Variants in GABRG3 observed in about 807,000 individuals in gnomAD.
The protein encoded by GABRG3 is gamma-aminobutyric acid receptor subunit gamma-3.
Under a neutral mutation model 48.8 loss-of-function variants are expected in GABRG3, and 25 were observed. That is an observed-to-expected ratio of 0.51 (90% CI 0.37 to 0.72). The LOEUF is 0.72. Among genes scored for constraint, GABRG3 ranks in the 30% least tolerant of loss-of-function variants. The pLI is 0.00. For synonymous variants in GABRG3, 227 were observed against 217.6 expected (o/e 1.04, Z -0.38); for missense variants, 394 against 577.9 (o/e 0.68, Z 3.26).
intron 5 of GABRG3, among the ~76,000 whole-genome samples, chr15:27,387,048 T>G (rs1467647151): frequency 1.3e-5 from 2 of 152,196 alleles, no homozygotes; most frequent in Admixed American, 6.5e-5. Context: ...GAAACTTCAT[T>G]AATATTATAG....
chr15:27,217,198 G>A (rs1385404513), intron 3 of GABRG3, among the ~76,000 whole-genome samples: 2 of 151,946 alleles, frequency 1.3e-5, no homozygotes, highest in Non-Finnish European at 2.9e-5. Flanking sequence ...TTGGACATTT[G>A]GGCTATAAAG....
intron 3 of GABRG3, among the ~76,000 whole-genome samples, chr15:27,308,324 G>A (rs1342996077): frequency 2.2e-5 from 3 of 133,526 alleles, no homozygotes; most frequent in Non-Finnish European, 4.8e-5. Context: ...ATAAACATAC[G>A]TTTATATATA....
chr15:27,033,605 G>A (rs1002449947), intron 3 of GABRG3, among the ~76,000 whole-genome samples: 1 of 152,034 alleles, frequency 6.6e-6, no homozygotes, highest in African/African-American at 2.4e-5. Context: ...TGCTTTGAAC[G>A]ACACTAAAGG....
intron 3 of GABRG3, among the ~76,000 whole-genome samples, chr15:27,079,844 A>G (rs572425283): frequency 6.6e-6 from 1 of 152,306 alleles, no homozygotes; most frequent in African/African-American, 2.4e-5. Context: ...AGGATGAGTT[A>G]GTGGAGAATT....
At chr15:27,258,125 C>T (rs1263062293) in intron 3 of GABRG3, among the ~76,000 whole-genome samples, 2 of 152,134 alleles carry the variant, frequency 1.3e-5, no homozygotes, top group East Asian at 1.9e-4. Flanking sequence ...CATGGCCTCA[C>T]GAGGGCATTG....
At chr15:27,061,325 C>T (rs1180584719) in intron 3 of GABRG3, among the ~76,000 whole-genome samples, 2 of 152,148 alleles carry the variant, frequency 1.3e-5, no homozygotes, top group Non-Finnish European at 2.9e-5. Flanking sequence ...GTGAGAACAC[C>T]GCACTGCCTG....
At chr15:27,393,155 C>T (rs1566821244) in intron 5 of GABRG3, among the ~76,000 whole-genome samples, 1 of 151,858 alleles carries the variant, frequency 6.6e-6, no homozygotes, top group African/African-American at 2.4e-5. Flanking sequence ...ACCATCCTGG[C>T]AACACGGTGA....
At chr15:27,340,157 G>A (rs1894119520) in intron 5 of GABRG3, among the ~76,000 whole-genome samples, 2 of 152,176 alleles carry the variant, frequency 1.3e-5, no homozygotes, top group African/African-American at 4.8e-5. Context: ...GACTCTAGGT[G>A]AAGGTGTTAT....
intron 3 of GABRG3, among the ~76,000 whole-genome samples, chr15:27,195,435 G>A (rs372660041): frequency 5.3e-5 from 8 of 152,134 alleles, no homozygotes; most frequent in African/African-American, 1.7e-4. Context: ...AGGTTCAAGC[G>A]ATTCTCCTGC....
chr15:27,281,474 A>ATT (rs200781979), intron 3 of GABRG3, among the ~76,000 whole-genome samples: 10,506 of 143,394 alleles, frequency 0.073, 1,104 homozygotes, highest in African/African-American at 0.23. Flanking sequence ...CCTGTGGTTA[A>ATT]TTTTTTTTTT....
At chr15:27,345,980 G>A (rs1277592749) in intron 5 of GABRG3, among the ~76,000 whole-genome samples, 1 of 151,616 alleles carries the variant, frequency 6.6e-6, no homozygotes, top group Non-Finnish European at 1.5e-5. Context: ...TTGGAACCCA[G>A]GAGGTGGAGG....
At chr15:27,525,965 A>ATAAAG (rs1891267183) in intron 7 of GABRG3, among the ~76,000 whole-genome samples, 1 of 151,696 alleles carries the variant, frequency 6.6e-6, no homozygotes, top group African/African-American at 2.4e-5. Context: ...AGTAAATAAA[A>ATAAAG]TAATTTTTTT....
At chr15:27,259,397 A>G (rs1890709337) in intron 3 of GABRG3, among the ~76,000 whole-genome samples, 1 of 152,164 alleles carries the variant, frequency 6.6e-6, no homozygotes, top group African/African-American at 2.4e-5. Context: ...GTCCTTTGGT[A>G]GGGTGAGCAG....
rs144142993 is a variant in GABRG3 at position 27,320,209 on chromosome 15, A to G, written c.271-6600A>G. On this transcript the variant is annotated intron_variant, in intron 3 of 9. Coordinates refer to ENST00000615808, the MANE Select transcript of GABRG3 (RefSeq NM_033223.5). The stretch of plus-strand genomic sequence containing the variant: ...TGCTTGTGATATTTACAAGTGCAAG[A>G]TGTTTTATACAAGGCTGCTGTCTTT... Among the ~76,000 whole-genome samples, 556 of 152,278 alleles carry G rather than the reference A, an allele frequency of 3.7e-3. 5 individuals carry two copies. Among genetic ancestry groups the G allele is most frequent in the African/African-American group, 0.012 (515 of 41,552 alleles).
chr15:27,193,813 G>A (rs187437162), intron 3 of GABRG3, among the ~76,000 whole-genome samples: 59 of 152,310 alleles, frequency 3.9e-4, no homozygotes, highest in Middle Eastern at 3.4e-3. Context: ...TTTCTGCGTC[G>A]CTCACGCTGG....
intron 5 of GABRG3, among the ~76,000 whole-genome samples, chr15:27,404,852 C>T (rs911792654): frequency 2.0e-5 from 3 of 152,160 alleles, no homozygotes; most frequent in Non-Finnish European, 2.9e-5. Flanking sequence ...CTGTCTCAGC[C>T]GTGTGGGATG....
intron 9 of GABRG3, chr15:27,530,677 C>G (rs919152112): frequency 6.4e-6 from 3 of 471,020 alleles, no homozygotes; most frequent in Admixed American, 2.3e-5. Context: ...GGTGAGCCAT[C>G]CCCGCATCAG....
At chr15:27,426,116 G>T (rs1888283724) in intron 5 of GABRG3, among the ~76,000 whole-genome samples, 1 of 152,140 alleles carries the variant, frequency 6.6e-6, no homozygotes, top group African/African-American at 2.4e-5. Flanking sequence ...CAGAATCTCT[G>T]CAAGGAACTA....
At chr15:27,401,499 C>T (rs763348083) in intron 5 of GABRG3, among the ~76,000 whole-genome samples, 2 of 152,166 alleles carry the variant, frequency 1.3e-5, no homozygotes, top group Non-Finnish European at 2.9e-5. Context: ...GATTCTGGAT[C>T]GCATTCAACT....
Sources: allele counts gnomAD v4.1 joint callset (sites outside exome capture counted in the v4.1 genomes callset), GRCh38; gene constraint gnomAD v4.1.1; transcripts MANE v1.5; gene names NCBI Gene and HGNC (gene_info 2026-07-23, HGNC 2026-07-21).